ROR2: variants seen among roughly 807,000 people sequenced by gnomAD.
The protein encoded by ROR2 is tyrosine-protein kinase transmembrane receptor ROR2.
A neutral mutation model predicts 74.9 loss-of-function variants in ROR2; 33 were observed. That is an observed-to-expected ratio of 0.44 (90% CI 0.33 to 0.59). The LOEUF is 0.59. Ranked by LOEUF, ROR2 falls within the 20% of genes least tolerant of loss-of-function variation. ROR2 has a pLI of 0.02. For missense variants in ROR2, 1,216 were observed against 1,313.8 expected (o/e 0.93, Z 1.15); for synonymous variants, 586 against 558.7 (o/e 1.05, Z -0.69).
In ROR2 at chr9:91,735,606, C is replaced by CTTTTTTTTTTTTTTTTT. The variant is rs35146225; in HGVS notation, c.622+1768_622+1784dup. Among the ~76,000 whole-genome samples, 48 of 79,008 alleles carry CTTTTTTTTTTTTTTTTT rather than the reference C, an allele frequency of 6.1e-4. 2 individuals carry two copies. Among genetic ancestry groups the CTTTTTTTTTTTTTTTTT allele is most frequent in the Non-Finnish European group, 7.9e-4 (33 of 41,740 alleles). 51.8% of individuals were successfully genotyped at this position (79,008 alleles called of 152,430 possible). A position where few individuals can be genotyped will look rare whatever the true frequency, so the allele number is the denominator to read the frequency against. ...GCACGGTTCCTACTAAGGGCTCTAA[C>CTTTTTTTTTTTTTTTTT]TTTTTTTTTTTTTTTTTTTTTTTTT... is the stretch of plus-strand genomic sequence containing the variant. On this transcript the variant is annotated intron_variant, in intron 5 of 8. Transcript: ENST00000375708.
intron 5 of ROR2, among the ~76,000 whole-genome samples, chr9:91,736,062 A>G (rs1316409167): frequency 6.6e-6 from 1 of 152,112 alleles, no homozygotes; most frequent in East Asian, 1.9e-4. Flanking sequence ...TATATTCTCT[A>G]TTTTCCACTG....
At chr9:91,757,224 G>C (rs1431114411) in intron 3 of ROR2, 48 bp downstream of exon 3, 1 of 1,611,286 alleles carries the variant, frequency 6.2e-7, no homozygotes, top group Admixed American at 1.7e-5. Flanking sequence ...CTCGGTGGCT[G>C]GGAACCTTCA....
intron 8 of ROR2, among the ~76,000 whole-genome samples, 172 bp downstream of exon 8, chr9:91,726,369 C>A (rs1837032127): frequency 6.6e-6 from 1 of 151,960 alleles, no homozygotes; most frequent in African/African-American, 2.4e-5. Flanking sequence ...TTTTCTAAAG[C>A]ACACATGTCC....
chr9:91,918,435 AAAG>A (rs1198310004), intron 1 of ROR2, among the ~76,000 whole-genome samples: 1 of 152,146 alleles, frequency 6.6e-6, no homozygotes, highest in African/African-American at 2.4e-5. Context: ...CGACAGTTTA[AAAG>A]AAGGTGGAGG....
chr9:91,858,548 C>T (rs1238186610), intron 1 of ROR2, among the ~76,000 whole-genome samples: 1 of 152,168 alleles, frequency 6.6e-6, no homozygotes, highest in Admixed American at 6.5e-5. Flanking sequence ...GTGGGTGGGG[C>T]CAGGCATTGT....
chr9:91,757,575 G>A lies in ROR2; in HGVS notation c.176-16C>T, dbSNP rs1825799679. The A allele has an allele frequency of 6.2e-7, 1 of 1,611,824 alleles. No homozygotes were observed. Among genetic ancestry groups the A allele is most frequent in the East Asian group, 2.2e-5 (1 of 44,800 alleles). On this transcript the variant is annotated splice_polypyrimidine_tract_variant and intron_variant, in intron 2 of 8. Coordinates refer to ENST00000375708, the MANE Select transcript of ROR2 (RefSeq NM_004560.4). Reference sequence around the variant, plus strand: ...AGAAAGTAACCTGCCAAGGAGAGCGGTCACAAAAGAGCAAGCGTCAGTGAG... The same window carrying A: ...AGAAAGTAACCTGCCAAGGAGAGCGATCACAAAAGAGCAAGCGTCAGTGAG...
chr9:91,897,429 C>T (rs573602023), intron 1 of ROR2, among the ~76,000 whole-genome samples: 67 of 152,262 alleles, frequency 4.4e-4, no homozygotes, highest in Non-Finnish European at 7.5e-4. Context: ...GGTTAGTAAA[C>T]GTTATAATAA....
chr9:91,945,066 C>A (rs1476679014), intron 1 of ROR2, among the ~76,000 whole-genome samples: 1 of 148,656 alleles, frequency 6.7e-6, no homozygotes, highest in Non-Finnish European at 1.5e-5. Context: ...GGTGACAGAG[C>A]AAGACCTTAA....
At chr9:91,918,251 G>GAA (rs1554692165) in intron 1 of ROR2, among the ~76,000 whole-genome samples, 2 of 148,898 alleles carry the variant, frequency 1.3e-5, no homozygotes, top group Non-Finnish European at 3.0e-5. Context: ...CTGGGCGACA[G>GAA]GAGACTCGTC....
intron 1 of ROR2, among the ~76,000 whole-genome samples, chr9:91,801,956 C>A (rs1439637367): frequency 6.6e-6 from 1 of 152,212 alleles, no homozygotes; most frequent in Non-Finnish European, 1.5e-5. Context: ...GGGGCCATGC[C>A]CCAGTGCATC....
At chr9:91,873,408 TA>T (rs34365495) in intron 1 of ROR2, among the ~76,000 whole-genome samples, 75,791 of 151,892 alleles carry the variant, frequency 0.5, 22,812 homozygotes, top group African/African-American at 0.84. Flanking sequence ...GCCAACAGGG[TA>T]AAAACCCCAT....
chr9:91,887,674 A>G (rs111405291), intron 1 of ROR2, among the ~76,000 whole-genome samples: 4 of 152,166 alleles, frequency 2.6e-5, no homozygotes, highest in African/African-American at 9.6e-5. Flanking sequence ...TGAGTAGGAG[A>G]AGCATGATTC....
chr9:91,763,225 A>C (rs1484763480), intron 2 of ROR2, among the ~76,000 whole-genome samples: 1 of 152,208 alleles, frequency 6.6e-6, no homozygotes, highest in Non-Finnish European at 1.5e-5. Context: ...ATTGGGTACT[A>C]TGCTCATTAC....
At chr9:91,821,266 A>G (rs187831260) in intron 1 of ROR2, among the ~76,000 whole-genome samples, 12 of 152,332 alleles carry the variant, frequency 7.9e-5, no homozygotes, top group Admixed American at 2.6e-4. Context: ...ATTAGGAGAA[A>G]GCAAATTTCG....
chr9:91,856,710 C>T (rs1395209887), intron 1 of ROR2, among the ~76,000 whole-genome samples: 1 of 152,192 alleles, frequency 6.6e-6, no homozygotes, highest in East Asian at 1.9e-4. Flanking sequence ...GTTTAAGCTG[C>T]CCAGTCTGGG....
rs79708102 is a variant in ROR2, at chr9:91,803,659, G to C, written c.98-27841C>G. 3.9e-3 allele frequency among the ~76,000 whole-genome samples: 598 copies of C among 152,368 alleles called. 8 individuals are homozygous for C. Among genetic ancestry groups the C allele is most frequent in the African/African-American group, 0.014 (575 of 41,582 alleles). ...CATGCCCTGGGTGGAACCACAGCCA[G>C]GCATGGACATACACGGATGTGTTTC... On this transcript the variant is annotated intron_variant, in intron 1 of 8. Transcript: ENST00000375708.
intron 1 of ROR2, among the ~76,000 whole-genome samples, chr9:91,932,593 G>A (rs906672881): frequency 1.3e-5 from 2 of 152,046 alleles, no homozygotes. Context: ...GAACCAGGGA[G>A]GCGGAGGTTG....
intron 4 of ROR2, among the ~76,000 whole-genome samples, chr9:91,744,213 CTTTTTTTT>C (rs1167780367): frequency 3.4e-5 from 3 of 89,082 alleles, no homozygotes; most frequent in African/African-American, 4.5e-5. Context: ...AATTTGTTAA[CTTTTTTTT>C]TTTTTTTTTT....
At chr9:91,838,858 C>T (rs529098493) in intron 1 of ROR2, among the ~76,000 whole-genome samples, 1 of 152,288 alleles carries the variant, frequency 6.6e-6, no homozygotes, top group South Asian at 2.1e-4. Flanking sequence ...AATAAACGGG[C>T]ACAAAGAACA....
Sources: gnomAD v4.1 joint callset for allele counts (sites outside exome capture counted in the v4.1 genomes callset) on GRCh38, gnomAD v4.1.1 for gene constraint, MANE v1.5 for transcripts, NCBI Gene and HGNC (gene_info 2026-07-23, HGNC 2026-07-21) for gene names.